The following SPON1 variants were observed in gnomAD, a reference collection of about 807,000 sequenced individuals.
SPON1 encodes spondin 1.
SPON1 carries 52 observed loss-of-function variants against 111.7 expected under a neutral mutation model. The observed-to-expected ratio is 0.47, with a 90% CI of 0.37 to 0.59. The LOEUF is 0.59. Among genes scored for constraint, SPON1 ranks in the 20% least tolerant of loss-of-function variants. SPON1 has a pLI of 0.00. For synonymous variants in SPON1, 410 were observed against 395.8 expected (o/e 1.04, Z -0.43); for missense variants, 957 against 1,068.5 (o/e 0.90, Z 1.46).
Position 14,262,780 on chromosome 11 carries a change from G to A in SPON1, c.2065G>A (p.Val689Met), listed in dbSNP as rs1270463524. 8.7e-6 allele frequency: 14 copies of A among 1,613,842 alleles called. No individual in the cohort carries two copies. The highest frequency in any genetic ancestry group is 1.6e-4 in the Middle Eastern group (1 of 6,084). ...TAACAAGTCATGTGGGAAAGGCCACGTGATTCGAACCCGGATGATCCAAAT... is the reference window on the plus strand; with the variant it reads ...TAACAAGTCATGTGGGAAAGGCCACATGATTCGAACCCGGATGATCCAAAT... ...ECNKSCGKGH[V>M]IRTRMIQMEP... Residue 689 changes from valine (V) to methionine (M), a missense_variant, in exon 15 of 16, where the codon GTG becomes ATG. This residue lies in a region of SPON1 where 549 missense variants were observed against 606.2 expected (regional missense o/e 0.91). Transcript: ENST00000576479.
At chr11:14,136,907 T>C (rs1266387032) in intron 6 of SPON1, among the ~76,000 whole-genome samples, 1 of 152,188 alleles carries the variant, frequency 6.6e-6, no homozygotes, top group African/African-American at 2.4e-5. Flanking sequence ...GGTGCTAGTC[T>C]GTCTGGCCTA....
intron 2 of SPON1, among the ~76,000 whole-genome samples, chr11:13,983,650 T>A (rs914868117): frequency 3.1e-4 from 47 of 152,246 alleles, no homozygotes; most frequent in African/African-American, 1.1e-3. Context: ...AGGAACGTCA[T>A]CCCCTTTCAG....
chr11:14,230,276 G>A (rs1261119013), intron 6 of SPON1, among the ~76,000 whole-genome samples: 2 of 152,060 alleles, frequency 1.3e-5, no homozygotes, highest in Non-Finnish European at 2.9e-5. Context: ...TAATTTGAAA[G>A]CTTTTTATGG....
chr11:14,202,853 C>A (rs532369203), intron 6 of SPON1, among the ~76,000 whole-genome samples: 1 of 152,146 alleles, frequency 6.6e-6, no homozygotes, highest in African/African-American at 2.4e-5. Context: ...ACCGATTACA[C>A]CGGGCAGAGT....
In SPON1 at chr11:14,255,820, T is replaced by C. The variant is rs781847469; in HGVS notation, c.1233+33T>C. The C allele has an allele frequency of 3.1e-6, 5 of 1,606,280 alleles. No individual in the cohort carries two copies. In the South Asian group the frequency reaches 5.5e-5, roughly 18 times the overall value. On this transcript the variant is annotated intron_variant, in intron 9 of 15. Transcript: ENST00000576479. ...GTTAGAACCCACTCTGGCATCGACC[T>C]TTCCCGGTAGGAGTGCCAGGGAGAT...
intron 6 of SPON1, among the ~76,000 whole-genome samples, chr11:14,160,778 ATT>A (rs1229989371): frequency 4.3e-5 from 2 of 46,016 alleles, no homozygotes; most frequent in African/African-American, 9.1e-5. Flanking sequence ...ATTTATATAT[ATT>A]TTTATATATA....
chr11:14,040,877 G>T (rs929771117), intron 2 of SPON1, among the ~76,000 whole-genome samples: 1 of 152,104 alleles, frequency 6.6e-6, no homozygotes, highest in Non-Finnish European at 1.5e-5. Flanking sequence ...GAGGGATAGG[G>T]AAATACCACA....
chr11:14,006,315 G>A (rs1848360278), intron 2 of SPON1, among the ~76,000 whole-genome samples: 1 of 152,108 alleles, frequency 6.6e-6, no homozygotes, highest in African/African-American at 2.4e-5. Flanking sequence ...GGCAAGGGGA[G>A]AGGGACACCA....
intron 6 of SPON1, among the ~76,000 whole-genome samples, chr11:14,147,816 CT>C (rs1216049066): frequency 1.3e-4 from 19 of 149,184 alleles, no homozygotes; most frequent in African/African-American, 4.7e-4. Flanking sequence ...ATATAAAGAG[CT>C]TCTTATGGTC....
intron 6 of SPON1, among the ~76,000 whole-genome samples, chr11:14,160,168 C>T (rs1847893343): frequency 6.6e-6 from 1 of 150,446 alleles, no homozygotes; most frequent in Admixed American, 6.7e-5. Context: ...AATATATACA[C>T]CCACAAAATT....
chr11:13,994,014 T>C (rs782255446), intron 2 of SPON1, among the ~76,000 whole-genome samples: 1 of 152,260 alleles, frequency 6.6e-6, no homozygotes, highest in Non-Finnish European at 1.5e-5. Context: ...AAGTATCTTT[T>C]AATAGTCTTT....
chr11:14,161,412 A>G (rs1349939803), intron 6 of SPON1, among the ~76,000 whole-genome samples: 1 of 149,504 alleles, frequency 6.7e-6, no homozygotes, highest in Non-Finnish European at 1.5e-5. Context: ...TCCACCTCCC[A>G]GGTTCAAGTG....
chr11:14,109,732 G>A (rs554552877), intron 5 of SPON1, among the ~76,000 whole-genome samples: 35 of 152,234 alleles, frequency 2.3e-4, no homozygotes, highest in Non-Finnish European at 4.0e-4. Context: ...ACTACCCTTT[G>A]TTCATTTCAT....
chr11:14,103,089 G>T (rs1849156514), intron 5 of SPON1, among the ~76,000 whole-genome samples: 1 of 152,100 alleles, frequency 6.6e-6, no homozygotes, highest in Admixed American at 6.6e-5. Context: ...AATCCTAGGT[G>T]GTGCCCCTTC....
chr11:14,197,873 C>A (rs555944472), intron 6 of SPON1, among the ~76,000 whole-genome samples: 1 of 152,212 alleles, frequency 6.6e-6, no homozygotes, highest in East Asian at 1.9e-4. Flanking sequence ...AAGTACAGCA[C>A]CTTGGAAGGG....
intron 6 of SPON1, among the ~76,000 whole-genome samples, chr11:14,138,053 C>T (rs529875068): frequency 1.3e-5 from 2 of 152,250 alleles, no homozygotes; most frequent in East Asian, 3.9e-4. Flanking sequence ...TCTGAATAAC[C>T]AGAAACTTGT....
intron 2 of SPON1, among the ~76,000 whole-genome samples, chr11:14,012,485 G>A (rs1322935611): frequency 3.3e-5 from 5 of 152,134 alleles, no homozygotes; most frequent in Non-Finnish European, 7.3e-5. Context: ...TCTCAGTGGC[G>A]ACGTGCAAAC....
intron 3 of SPON1, among the ~76,000 whole-genome samples, chr11:14,062,537 G>C (rs1327708613): frequency 5.3e-5 from 8 of 152,168 alleles, no homozygotes; most frequent in African/African-American, 1.4e-4. Context: ...ATCTCTAGGG[G>C]AGCTTGAACA....
intron 5 of SPON1, among the ~76,000 whole-genome samples, chr11:14,090,824 G>GCCACCGC (rs1849046497): frequency 2.2e-5 from 1 of 45,580 alleles, no homozygotes; most frequent in Non-Finnish European, 3.9e-5. Flanking sequence ...CTCTTATCTG[G>GCCACCGC]CCCCCCCCCC....
Sources: allele counts gnomAD v4.1 joint callset (sites outside exome capture counted in the v4.1 genomes callset), GRCh38; gene constraint gnomAD v4.1.1; regional missense constraint gnomAD v4.1.1; transcripts MANE v1.5; gene names NCBI Gene and HGNC (gene_info 2026-07-23, HGNC 2026-07-21).